The following IL1RAPL2 variants were observed in gnomAD, a reference collection of about 807,000 sequenced individuals.
IL1RAPL2 encodes interleukin 1 receptor accessory protein like 2.
In IL1RAPL2, 3 loss-of-function variants were observed where a neutral mutation model predicts 44.1. The observed-to-expected ratio is 0.07, with a 90% CI of 0.03 to 0.18. IL1RAPL2 has a LOEUF of 0.18. Ranked by LOEUF, IL1RAPL2 falls within the 10% of genes least tolerant of loss-of-function variation. The pLI, the probability that IL1RAPL2 is intolerant of heterozygous loss-of-function variation, is 1.00. For missense variants in IL1RAPL2, 391 were observed against 496.4 expected, an observed-to-expected ratio of 0.79 and a Z score of 2.02; for synonymous variants, 181 against 178.8, an observed-to-expected ratio of 1.01 and a Z score of -0.10.
chrX:104,966,258 C>G (rs974983054), intron 2 of IL1RAPL2, among the ~76,000 whole-genome samples: 7 of 111,166 alleles, frequency 6.3e-5, no homozygotes, highest in African/African-American at 2.3e-4. Flanking sequence ...TATCAGTAAT[C>G]ACAGTAATAT....
At chrX:105,170,175 T>A (rs1433071501) in intron 2 of IL1RAPL2, among the ~76,000 whole-genome samples, 1 of 111,025 alleles carries the variant, frequency 9.0e-6, no homozygotes, top group Non-Finnish European at 1.9e-5. Flanking sequence ...ATCATTTGTA[T>A]TTGTCAGCTA....
At chrX:105,584,703 T>C (rs188067792) in intron 6 of IL1RAPL2, among the ~76,000 whole-genome samples, 1 of 111,713 alleles carries the variant, frequency 9.0e-6, no homozygotes, top group East Asian at 2.8e-4. Context: ...AGCTAAAATA[T>C]GCTCTACCAT....
intron 1 of IL1RAPL2, among the ~76,000 whole-genome samples, chrX:104,620,639 CA>C (rs771769782): frequency 0.049 from 701 of 14,358 alleles, 1 homozygote; most frequent in African/African-American, 0.13. Flanking sequence ...GAGTCTGTCT[CA>C]AAAAAAAAAA....
intron 5 of IL1RAPL2, among the ~76,000 whole-genome samples, chrX:105,325,023 G>T (rs112957373): frequency 0.11 from 12,568 of 111,268 alleles, 1,731 homozygotes; most frequent in African/African-American, 0.39. Context: ...TTTGATGCAC[G>T]TTTTTAACAG....
chrX:105,182,624 A>G (rs1352848523), intron 2 of IL1RAPL2, among the ~76,000 whole-genome samples: 1 of 111,811 alleles, frequency 8.9e-6, no homozygotes, highest in Non-Finnish European at 1.9e-5. Context: ...TAATTTGTTT[A>G]TAATCAAGGT....
At chrX:104,746,661 T>A (rs1932181291) in intron 2 of IL1RAPL2, among the ~76,000 whole-genome samples, 1 of 111,142 alleles carries the variant, frequency 9.0e-6, no homozygotes, top group African/African-American at 3.3e-5. Context: ...TTGAACATAA[T>A]CCCATCTTCA....
intron 7 of IL1RAPL2, among the ~76,000 whole-genome samples, chrX:105,728,675 G>GACTT (rs1460569247): frequency 9.0e-6 from 1 of 110,811 alleles, no homozygotes; most frequent in Non-Finnish European, 1.9e-5. Context: ...TTAATGTCTT[G>GACTT]ACTTAGTGTG....
At position 105,654,628 on chromosome X, in the gene IL1RAPL2, T is replaced by A. The variant is rs111728867; in HGVS notation, c.773-62739T>A. Reference sequence around the variant, plus strand: ...AAAAGTCCTCAGCCTTCCTTTCTAGTCCTCCATTGCTTGTGTGCCAGTATC... The same window carrying A: ...AAAAGTCCTCAGCCTTCCTTTCTAGACCTCCATTGCTTGTGTGCCAGTATC... On this transcript the variant is annotated intron_variant, in intron 6 of 10. Coordinates refer to ENST00000372582, the MANE Select transcript of IL1RAPL2 (RefSeq NM_017416.2). Among the ~76,000 whole-genome samples, 736 of 111,737 alleles carry A rather than the reference T, an allele frequency of 6.6e-3. 5 individuals are homozygous for A. The highest frequency in any genetic ancestry group is 0.022 in the African/African-American group (689 of 30,797).
chrX:104,763,357 A>G (rs1932499434), intron 2 of IL1RAPL2, among the ~76,000 whole-genome samples: 1 of 112,015 alleles, frequency 8.9e-6, no homozygotes, highest in Non-Finnish European at 1.9e-5. Flanking sequence ...GGAAGTTCCA[A>G]ACTTTCCCAC....
intron 6 of IL1RAPL2, among the ~76,000 whole-genome samples, chrX:105,550,593 T>G (rs368503559): frequency 1.6e-4 from 18 of 112,133 alleles, no homozygotes; most frequent in African/African-American, 4.5e-4. Context: ...ACAGAGTCTT[T>G]CAAACTGAAA....
chrX:105,384,992 T>C (rs1038051651), intron 5 of IL1RAPL2, among the ~76,000 whole-genome samples: 1 of 111,766 alleles, frequency 8.9e-6, no homozygotes, highest in African/African-American at 3.2e-5. Context: ...TCAGTTCTAA[T>C]AGATTTTTTG....
At chrX:104,675,619 T>C in intron 2 of IL1RAPL2, among the ~76,000 whole-genome samples, 1 of 111,200 alleles carries the variant, frequency 9.0e-6, no homozygotes, top group Middle Eastern at 4.6e-3. Flanking sequence ...TTAGGTCCAC[T>C]TGGTGCAGAG....
chrX:105,530,198 C>A (rs2036623367), intron 6 of IL1RAPL2, among the ~76,000 whole-genome samples: 1 of 111,925 alleles, frequency 8.9e-6, no homozygotes, highest in Non-Finnish European at 1.9e-5. Context: ...ACATGGGTGC[C>A]AATTTATTCA....
chrX:105,706,226 G>A (rs1602531653), intron 6 of IL1RAPL2, among the ~76,000 whole-genome samples: 2 of 111,143 alleles, frequency 1.8e-5, no homozygotes, highest in African/African-American at 6.5e-5. Context: ...TGAGTAGTGA[G>A]GAATTTTAGA....
chrX:105,665,621 GT>G (rs766105530), intron 6 of IL1RAPL2, among the ~76,000 whole-genome samples: 3 of 111,026 alleles, frequency 2.7e-5, no homozygotes, highest in Admixed American at 9.5e-5. Context: ...AAATTTCACT[GT>G]AAATTGTTTG....
At position 105,203,045 on chromosome X, in the gene IL1RAPL2, C is replaced by T. The variant is rs529097309; in HGVS notation, c.356+7297C>T. On this transcript the variant is annotated intron_variant, in intron 3 of 10. Transcript: ENST00000372582. ...CTCCTCCCCCTTGCTTCCAGTTTCA[C>T]AGAGAAAAAAAATGTAGTCAGGAAA... 6.3e-5 allele frequency among the ~76,000 whole-genome samples: 7 copies of T among 111,343 alleles called. No individual in the cohort carries two copies. In the South Asian group the frequency reaches 2.7e-3, roughly 42 times the overall value.
chrX:105,278,010 G>T (rs2034499650), intron 5 of IL1RAPL2, among the ~76,000 whole-genome samples: 1 of 111,521 alleles, frequency 9.0e-6, no homozygotes, highest in Non-Finnish European at 1.9e-5. Context: ...TGGAGAGATT[G>T]CCAGTCTTTG....
intron 6 of IL1RAPL2, among the ~76,000 whole-genome samples, chrX:105,699,407 C>A (rs1045906978): frequency 9.0e-6 from 1 of 111,430 alleles, no homozygotes; most frequent in East Asian, 2.8e-4. Flanking sequence ...AGGGATGTAG[C>A]GATGAACTTC....
chrX:104,843,342 C>A (rs1333397584), intron 2 of IL1RAPL2, among the ~76,000 whole-genome samples: 2 of 111,743 alleles, frequency 1.8e-5, no homozygotes, highest in African/African-American at 6.5e-5. Flanking sequence ...TTGCTGGGCT[C>A]TGTGGGAGCG....
Sources: gnomAD v4.1 joint callset for allele counts (sites outside exome capture counted in the v4.1 genomes callset) on GRCh38, gnomAD v4.1.1 for gene constraint, MANE v1.5 for transcripts, NCBI Gene and HGNC (gene_info 2026-07-23, HGNC 2026-07-21) for gene names.